The following NCOA6 variants were observed in gnomAD, a reference collection of about 807,000 sequenced individuals.
NCOA6 encodes NRC RAP250.
Under a neutral mutation model 171.4 loss-of-function variants are expected in NCOA6, and 49 were observed. The observed-to-expected ratio is 0.29, with a 90% CI of 0.23 to 0.36. The LOEUF (loss-of-function observed/expected upper bound fraction) is 0.36, where lower values mean the gene tolerates loss of function less well. Ranked by LOEUF, NCOA6 falls within the 10% of genes least tolerant of loss-of-function variation. NCOA6 has a pLI of 1.00. For synonymous variants in NCOA6, 910 were observed against 927.5 expected, an observed-to-expected ratio of 0.98 and a Z score of 0.34; for missense variants, 2,248 against 2,554.5, an observed-to-expected ratio of 0.88 and a Z score of 2.59.
At chr20:34,780,779 G>A (rs62214860) in intron 3 of NCOA6, among the ~76,000 whole-genome samples, 2 of 151,956 alleles carry the variant, frequency 1.3e-5, no homozygotes, top group Admixed American at 1.3e-4. Context: ...TCAGCCTCTC[G>A]AGTAGCTGGG....
chr20:34,802,085 T>C (rs774119796), intron 1 of NCOA6, among the ~76,000 whole-genome samples: 1 of 151,664 alleles, frequency 6.6e-6, no homozygotes, highest in Non-Finnish European at 1.5e-5. Flanking sequence ...CAAAGAAACA[T>C]CAAAAAAAGA....
intron 14 of NCOA6, among the ~76,000 whole-genome samples, chr20:34,723,551 C>G (rs1048015937): frequency 6.6e-6 from 1 of 152,158 alleles, no homozygotes; most frequent in Non-Finnish European, 1.5e-5. Context: ...ACTTAGCACC[C>G]CTCCATGCAA....
intron 12 of NCOA6, among the ~76,000 whole-genome samples, chr20:34,735,095 C>T (rs2075907814): frequency 6.6e-6 from 1 of 152,014 alleles, no homozygotes; most frequent in Non-Finnish European, 1.5e-5. Flanking sequence ...TTCATTTACG[C>T]CAGACTTCCA....
At chr20:34,759,004 G>C in intron 5 of NCOA6, 71 bp from the exon 6 acceptor site, 1 of 1,449,210 alleles carries the variant, frequency 6.9e-7, no homozygotes, top group East Asian at 2.3e-5. Context: ...GTTATTTCAA[G>C]AATATGAAAA....
chr20:34,731,215 T>A (rs1990572888), intron 13 of NCOA6, among the ~76,000 whole-genome samples: 1 of 152,028 alleles, frequency 6.6e-6, no homozygotes, highest in Non-Finnish European at 1.5e-5. Context: ...AGACGGGGTC[T>A]TACCATTTTG....
At chr20:34,744,339 C>A (rs2076238954) in intron 10 of NCOA6, among the ~76,000 whole-genome samples, 1 of 152,088 alleles carries the variant, frequency 6.6e-6, no homozygotes, top group African/African-American at 2.4e-5. Flanking sequence ...ACCTTACAAT[C>A]AGAAAAGATA....
chr20:34,739,600 T>C (rs2076067605), intron 11 of NCOA6, among the ~76,000 whole-genome samples: 1 of 152,204 alleles, frequency 6.6e-6, no homozygotes, highest in South Asian at 2.1e-4. Context: ...ATCTTCACCC[T>C]GGTAAAGAGA....
chr20:34,769,686 C>T (rs1600940095), intron 4 of NCOA6, among the ~76,000 whole-genome samples: 1 of 151,942 alleles, frequency 6.6e-6, no homozygotes, highest in East Asian at 1.9e-4. Flanking sequence ...TTAATTTTAC[C>T]TTATTTGAGC....
intron 14 of NCOA6, among the ~76,000 whole-genome samples, chr20:34,726,917 T>A (rs187633599): frequency 6.6e-5 from 10 of 152,194 alleles, no homozygotes; most frequent in African/African-American, 2.4e-4. Flanking sequence ...ATTGTGCCAC[T>A]GCACTCCAGC....
intron 5 of NCOA6, 151 bp downstream of exon 5, chr20:34,768,313 C>T: frequency 9.8e-7 from 1 of 1,020,484 alleles, no homozygotes; most frequent in Non-Finnish European, 1.4e-6. Flanking sequence ...CCTCTAGCCT[C>T]CGGGAAGGAC....
intron 3 of NCOA6, among the ~76,000 whole-genome samples, chr20:34,779,602 T>C (rs998449395): frequency 1.3e-5 from 2 of 152,220 alleles, no homozygotes; most frequent in Non-Finnish European, 2.9e-5. Flanking sequence ...AAACTTAAAC[T>C]TCTGTATCCT....
intron 1 of NCOA6, among the ~76,000 whole-genome samples, chr20:34,815,863 T>C (rs1260341951): frequency 6.6e-6 from 1 of 152,218 alleles, no homozygotes; most frequent in East Asian, 1.9e-4. Flanking sequence ...GGGTGTTTAC[T>C]TATCCATGAT....
intron 1 of NCOA6, among the ~76,000 whole-genome samples, chr20:34,808,435 G>A (rs1193425464): frequency 7.0e-6 from 1 of 143,294 alleles, no homozygotes; most frequent in Non-Finnish European, 1.5e-5. Flanking sequence ...ACTTGTCTGT[G>A]CTTTTTTTTT....
At position 34,792,963 on chromosome 20, in the gene NCOA6, G is replaced by C. The variant is rs1314964546; in HGVS notation, c.-163-400C>G. Among the ~76,000 whole-genome samples, 5 of 151,286 alleles carry C rather than the reference G, an allele frequency of 3.3e-5. No individual in the cohort carries two copies. In the East Asian group the frequency reaches 9.8e-4, roughly 30 times the overall value. ...TGGATAATTTTTTTGTATTTTTTTT[G>C]GTAGAGATGGGGTTTCACCATGTTG... On this transcript the variant is annotated intron_variant, in intron 1 of 14. Transcript: ENST00000359003.
intron 7 of NCOA6, among the ~76,000 whole-genome samples, chr20:34,755,381 C>T (rs913071559): frequency 3.9e-5 from 6 of 152,114 alleles, no homozygotes; most frequent in Non-Finnish European, 5.9e-5. Flanking sequence ...AAATTTCCCC[C>T]CATTATTGCG....
intron 14 of NCOA6, 45 bp from the exon 15 acceptor site, chr20:34,715,410 C>A (rs1177935448): frequency 9.2e-6 from 13 of 1,419,032 alleles, no homozygotes; most frequent in Non-Finnish European, 1.1e-5. Context: ...TAACTCTTTA[C>A]AGCAGTGCCC....
intron 1 of NCOA6, among the ~76,000 whole-genome samples, chr20:34,809,104 C>T (rs2078565509): frequency 6.6e-6 from 1 of 152,140 alleles, no homozygotes; most frequent in Admixed American, 6.5e-5. Context: ...TTGGATTTAT[C>T]CATGCCTCCA....
In NCOA6 at chr20:34,741,181, G is replaced by T. The variant is rs1205497222; in HGVS notation, c.5075C>A (p.Pro1692His). 1 of 1,614,204 alleles carries T rather than the reference G, an allele frequency of 6.2e-7. No homozygotes were observed. The highest frequency in any genetic ancestry group is 8.5e-7 in the Non-Finnish European group (1 of 1,180,044). The stretch of plus-strand genomic sequence containing the variant: ...TAAAGGGCCAACAACTGCAACAGAG[G>T]GAGGCATCAGGCCAGAGTTGGTTGT... ...PLTTNSGLMPPSVAVVGPLHI... is the reference protein window; with the variant it reads ...PLTTNSGLMPHSVAVVGPLHI... The change falls in exon 11 of 15, where the codon CCC becomes CAC. Residue 1692 changes from proline (P) to histidine (H), a missense_variant. By Grantham distance (77) the Pro-to-His change is moderately conservative (BLOSUM62 -2). Around this residue, in one of 7 missense-constraint regions of NCOA6, gnomAD observed 884 missense variants for 941.9 expected, o/e 0.94. Coordinates refer to ENST00000359003, the MANE Select transcript of NCOA6 (RefSeq NM_014071.5).
intron 9 of NCOA6, among the ~76,000 whole-genome samples, chr20:34,748,249 G>T (rs1218946959): frequency 1.3e-5 from 2 of 151,968 alleles, no homozygotes; most frequent in Non-Finnish European, 2.9e-5. Context: ...GAATTTAACT[G>T]AGAAAGAGCT....
Sources: gnomAD v4.1 joint callset for allele counts (sites outside exome capture counted in the v4.1 genomes callset) on GRCh38, gnomAD v4.1.1 for gene constraint, gnomAD v4.1.1 regional missense constraint, MANE v1.5 for transcripts, NCBI Gene and HGNC (gene_info 2026-07-23, HGNC 2026-07-21) for gene names.